Variants in CACUL1 observed in about 807,000 individuals in gnomAD.
CACUL1 encodes CDK2-associated and cullin domain-containing protein 1.
Under a neutral mutation model 45.2 loss-of-function variants are expected in CACUL1, and 13 were observed. The observed-to-expected ratio is 0.29, with a 90% confidence interval of 0.19 to 0.46. The LOEUF (loss-of-function observed/expected upper bound fraction) is 0.46, where lower values mean the gene tolerates loss of function less well. Among genes scored for constraint, CACUL1 ranks in the 20% least tolerant of loss-of-function variants. CACUL1 has a pLI of 1.00. For synonymous variants in CACUL1, 197 were observed against 174.2 expected (o/e 1.13, Z -1.03); for missense variants, 421 against 471.4 (o/e 0.89, Z 0.99).
At chr10:118,735,966 CT>C (rs1845737441) in intron 1 of CACUL1, among the ~76,000 whole-genome samples, 1 of 151,958 alleles carries the variant, frequency 6.6e-6, no homozygotes, top group Non-Finnish European at 1.5e-5. Flanking sequence ...TGTATGCTAT[CT>C]AAAAGAAAAA....
intron 3 of CACUL1, among the ~76,000 whole-genome samples, chr10:118,725,533 C>G (rs2119632816): frequency 1.3e-5 from 2 of 152,132 alleles, no homozygotes; most frequent in South Asian, 4.1e-4. Context: ...AAAATTAAGG[C>G]AAAAGATACT....
chr10:118,720,617 T>C (rs1160345774), intron 3 of CACUL1, among the ~76,000 whole-genome samples: 2 of 152,234 alleles, frequency 1.3e-5, no homozygotes, highest in African/African-American at 4.8e-5. Context: ...TTCTGGATGA[T>C]GTTTTACCTG....
rs539290046 is a variant in CACUL1 at position 118,686,982 on chromosome 10, C to A, written c.1026-341G>T. 5.3e-5 allele frequency among the ~76,000 whole-genome samples: 8 copies of A among 152,314 alleles called. No homozygotes were observed. The East Asian group carries it at 1.5e-3, about 29-fold the overall frequency. On this transcript the variant is annotated intron_variant, in intron 7 of 8. Coordinates refer to ENST00000369151, the MANE Select transcript of CACUL1 (RefSeq NM_153810.5). ...TTCTCAGACAATAACAGAAATGACT[C>A]AAATGCTTAGGTAATGAGAAATAAT...
Position 118,754,448 on chromosome 10 carries a change from G to C in CACUL1, c.315C>G (p.Pro105=). ...DAAAAVAKAA[P]APTASSTINI... ...TGATGGTGGAGCTGGCGGTGGGGGCGGGGGCCGCCTTGGCCACGGCGGCGG... is the reference window on the plus strand; with the variant it reads ...TGATGGTGGAGCTGGCGGTGGGGGCCGGGGCCGCCTTGGCCACGGCGGCGG... Residue 105 remains proline (P), a synonymous_variant, in exon 1 of 9, where the codon CCC becomes CCG. Transcript: ENST00000369151. The C allele has an allele frequency of 6.3e-7, 1 of 1,586,080 alleles. No individual in the cohort carries two copies. Among genetic ancestry groups the C allele is most frequent in the Non-Finnish European group, 8.6e-7 (1 of 1,166,810 alleles).
chr10:118,706,695 T>G (rs1195928924), intron 4 of CACUL1, among the ~76,000 whole-genome samples: 1 of 152,202 alleles, frequency 6.6e-6, no homozygotes, highest in Non-Finnish European at 1.5e-5. Context: ...ACTAGAAAAC[T>G]CGTACTATTA....
chr10:118,727,403 TA>T (rs11454535), intron 3 of CACUL1, among the ~76,000 whole-genome samples: 38 of 144,540 alleles, frequency 2.6e-4, no homozygotes, highest in South Asian at 4.4e-4. Context: ...TCAAAAAAAT[TA>T]AAAAAAAAAA....
chr10:118,747,570 C>CAAA (rs5788317), intron 1 of CACUL1, among the ~76,000 whole-genome samples: 1 of 114,224 alleles, frequency 8.8e-6, no homozygotes, highest in Non-Finnish European at 1.9e-5. Flanking sequence ...TTGGGATATC[C>CAAA]AAAAAAAAAA....
intron 1 of CACUL1, among the ~76,000 whole-genome samples, chr10:118,745,560 C>CAA (rs567433613): frequency 3.6e-5 from 5 of 137,178 alleles, no homozygotes; most frequent in Non-Finnish European, 4.7e-5. Context: ...GACTCCGTCT[C>CAA]AAAAAAAAAA....
At chr10:118,695,373 C>T in intron 5 of CACUL1, 143 bp from the exon 6 acceptor site, 1 of 567,116 alleles carries the variant, frequency 1.8e-6, no homozygotes, top group Non-Finnish European at 3.2e-6. Flanking sequence ...TGTTTATATA[C>T]TAAGGATTTT....
intron 5 of CACUL1, among the ~76,000 whole-genome samples, chr10:118,699,602 C>T (rs1845357706): frequency 6.6e-6 from 1 of 151,984 alleles, no homozygotes; most frequent in Non-Finnish European, 1.5e-5. Flanking sequence ...ATGTCAGTAT[C>T]AGGAAATACT....
chr10:118,740,566 C>T (rs1002132236), intron 1 of CACUL1, among the ~76,000 whole-genome samples: 7 of 152,060 alleles, frequency 4.6e-5, no homozygotes, highest in African/African-American at 1.4e-4. Context: ...GCCGAGATCA[C>T]GCCACTGCAC....
chr10:118,732,817 T>C (rs1845709618), intron 1 of CACUL1, among the ~76,000 whole-genome samples: 1 of 152,208 alleles, frequency 6.6e-6, no homozygotes, highest in South Asian at 2.1e-4. Flanking sequence ...CACTAGGCTC[T>C]AGAATATGAC....
rs992446558 is a variant in CACUL1 at position 118,730,421 on chromosome 10, A to G, written c.368-11T>C. Reference sequence around the variant, plus strand: ...TTATAACATTCATTACTAAAAGTAAAAAGTAAAATAAATATTACTACGTGC... The same window carrying G: ...TTATAACATTCATTACTAAAAGTAAGAAGTAAAATAAATATTACTACGTGC... On this transcript the variant is annotated splice_polypyrimidine_tract_variant and intron_variant, in intron 1 of 8. Transcript: ENST00000369151. 3.1e-6 allele frequency: 5 copies of G among 1,596,806 alleles called. No individual in the cohort carries two copies. Among genetic ancestry groups the G allele is most frequent in the South Asian group, 1.1e-5 (1 of 89,510 alleles).
rs1845146011 is a variant in CACUL1 at position 118,680,824 on chromosome 10, CTG to C, written c.*5302_*5303del. The C allele has an allele frequency of 4.6e-5, 7 of 152,198 alleles. No individual in the cohort carries two copies. The highest frequency in any genetic ancestry group is 4.6e-4 in the Admixed American group (7 of 15,286). The allele number at this position is 152,198 out of a possible 1,614,324, so 9.4% of individuals were successfully genotyped here. On this transcript the variant is annotated 3_prime_UTR_variant, in exon 9 of 9. Coordinates refer to ENST00000369151, the MANE Select transcript of CACUL1 (RefSeq NM_153810.5). ...AACACTCACCCTGCAGGCTAAGTAA[CTG>C]TGGTAACAGATGTGTGCTCAGTGTG...
In CACUL1 at chr10:118,677,137, C is replaced by T. The variant is rs1430684087; in HGVS notation, c.*8991G>A. 1.3e-5 allele frequency: 2 copies of T among 152,136 alleles called. No individual in the cohort carries two copies. Among genetic ancestry groups the T allele is most frequent in the South Asian group, 2.1e-4 (1 of 4,810 alleles). 9.4% of individuals were successfully genotyped at this position (152,136 alleles called of 1,614,324 possible). On this transcript the variant is annotated 3_prime_UTR_variant, in exon 9 of 9. Coordinates refer to ENST00000369151, the MANE Select transcript of CACUL1 (RefSeq NM_153810.5). ...CATGGACAGCATGATTTCAAAAAGC[C>T]GCCTTTAGTGTACTCTAAATTCTAA... is the stretch of plus-strand genomic sequence containing the variant.
rs144342033 is a variant in CACUL1, at chr10:118,678,055, T to C, written c.*8073A>G. The C allele has an allele frequency of 2.6e-5, 4 of 152,362 alleles. No homozygotes were observed. In the East Asian group the frequency reaches 7.7e-4, roughly 29 times the overall value. 9.4% of individuals were successfully genotyped at this position (152,362 alleles called of 1,614,324 possible). On this transcript the variant is annotated 3_prime_UTR_variant, in exon 9 of 9. Coordinates refer to ENST00000369151, the MANE Select transcript of CACUL1 (RefSeq NM_153810.5). ...AAGGAAATGGTATCTATGCTTTTAATGTGCATTACCTGACGACTAATGAGG... is the reference window on the plus strand; with the variant it reads ...AAGGAAATGGTATCTATGCTTTTAACGTGCATTACCTGACGACTAATGAGG...
At chr10:118,699,246 G>A (rs2119569914) in intron 5 of CACUL1, among the ~76,000 whole-genome samples, 1 of 152,232 alleles carries the variant, frequency 6.6e-6, no homozygotes, top group South Asian at 2.1e-4. Flanking sequence ...CCTAACAACT[G>A]CTCAATAAGT....
intron 1 of CACUL1, among the ~76,000 whole-genome samples, chr10:118,746,896 A>G (rs537094152): frequency 2.0e-5 from 3 of 152,226 alleles, no homozygotes; most frequent in Admixed American, 2.0e-4. Flanking sequence ...TCTCTAGAAC[A>G]GGGGTCCCCA....
chr10:118,705,319 C>G (rs1017000944), intron 4 of CACUL1, among the ~76,000 whole-genome samples: 1 of 152,112 alleles, frequency 6.6e-6, no homozygotes, highest in African/African-American at 2.4e-5. Flanking sequence ...CTCTTTGAGA[C>G]TCTGTAGTTT....
Sources: allele counts gnomAD v4.1 joint callset (sites outside exome capture counted in the v4.1 genomes callset), GRCh38; gene constraint gnomAD v4.1.1; transcripts MANE v1.5; gene names NCBI Gene and HGNC (gene_info 2026-07-23, HGNC 2026-07-21).